ANXA4: variants seen among roughly 807,000 people sequenced by gnomAD.
ANXA4 encodes the protein 35-beta calcimedin.
Under a neutral mutation model 49.8 loss-of-function variants are expected in ANXA4, and 39 were observed. The ratio of observed to expected loss-of-function variants is 0.78; its 90% CI spans 0.61 to 1.02. The LOEUF is 1.02. Among genes scored for constraint, ANXA4 ranks in the 50% least tolerant of loss-of-function variants. The pLI is 0.00. For missense variants in ANXA4, 360 were observed against 410.1 expected (o/e 0.88, Z 1.05); for synonymous variants, 134 against 152.5 (o/e 0.88, Z 0.89).
chr2:69,695,539 G>C (rs1380931069), intron 2 of ANXA4, among the ~76,000 whole-genome samples: 2 of 152,168 alleles, frequency 1.3e-5, no homozygotes, highest in Non-Finnish European at 2.9e-5. Context: ...AACAACACCC[G>C]CATGCTCTTC....
intron 3 of ANXA4, among the ~76,000 whole-genome samples, chr2:69,798,098 C>T (rs1411654985): frequency 1.3e-5 from 2 of 152,160 alleles, no homozygotes; most frequent in Non-Finnish European, 2.9e-5. Context: ...TGGTTCCTCA[C>T]ATGGGAAAAG....
At chr2:69,734,536 A>G (rs959346664) in intron 3 of ANXA4, among the ~76,000 whole-genome samples, 1 of 152,166 alleles carries the variant, frequency 6.6e-6, no homozygotes, top group African/African-American at 2.4e-5. Flanking sequence ...ACCATGAACA[A>G]AGAAGTTTTG....
upstream of ANXA4, among the ~76,000 whole-genome samples, chr2:69,738,875 A>G (rs1670308527): frequency 6.6e-6 from 1 of 152,214 alleles, no homozygotes; most frequent in Non-Finnish European, 1.5e-5. Flanking sequence ...TCTTGATGCC[A>G]GGTGGAATAG....
intron 1 of ANXA4, among the ~76,000 whole-genome samples, chr2:69,652,493 G>A (rs557894746): frequency 6.6e-6 from 1 of 152,246 alleles, no homozygotes; most frequent in South Asian, 2.1e-4. Context: ...CTAGTCAGAT[G>A]ACTTCTTAAA....
At chr2:69,788,497 G>T (rs10210563) in intron 3 of ANXA4, among the ~76,000 whole-genome samples, 7 of 149,034 alleles carry the variant, frequency 4.7e-5, no homozygotes, top group Non-Finnish European at 8.9e-5. Flanking sequence ...CTGAGATCTC[G>T]CCATGGCACT....
chr2:69,763,926 G>T (rs1158382808), intron 1 of ANXA4, among the ~76,000 whole-genome samples: 11 of 152,154 alleles, frequency 7.2e-5, no homozygotes, highest in Non-Finnish European at 2.9e-5. Context: ...CTCCCAAAGT[G>T]CTGGGATTAC....
chr2:69,783,454 A>T (rs1672284344), intron 2 of ANXA4, among the ~76,000 whole-genome samples: 1 of 152,120 alleles, frequency 6.6e-6, no homozygotes, highest in Admixed American at 6.6e-5. Context: ...TGACCTCATG[A>T]TCTGCCCGCC....
intron 2 of ANXA4, 47 bp downstream of exon 2, chr2:69,781,621 G>A (rs1046540510): frequency 1.9e-6 from 3 of 1,609,906 alleles, no homozygotes; most frequent in Non-Finnish European, 2.5e-6. Flanking sequence ...GCTGCCAACA[G>A]GTACAGAATG....
chr2:69,755,198 T>A (rs1457552090), intron 1 of ANXA4, among the ~76,000 whole-genome samples: 1 of 151,982 alleles, frequency 6.6e-6, no homozygotes, highest in Non-Finnish European at 1.5e-5. Context: ...GAGGGGGAAA[T>A]GGGGAGTTAC....
At chr2:69,682,842 G>C (rs910095565) in intron 2 of ANXA4, among the ~76,000 whole-genome samples, 1 of 152,186 alleles carries the variant, frequency 6.6e-6, no homozygotes, top group South Asian at 2.1e-4. Context: ...GAAAGGTCTA[G>C]AGAGTTCTTA....
At chr2:69,797,500 T>C (rs1241802529) in intron 3 of ANXA4, among the ~76,000 whole-genome samples, 1 of 152,212 alleles carries the variant, frequency 6.6e-6, no homozygotes, top group African/African-American at 2.4e-5. Flanking sequence ...GGAGAGATAA[T>C]GTAACACTTG....
At chr2:69,674,187 C>G (rs1165726538) in intron 2 of ANXA4, 1 of 152,312 alleles carries the variant, frequency 6.6e-6, no homozygotes, top group Admixed American at 6.5e-5. Context: ...GTCCTGTCCC[C>G]TGCCTCTGCC....
chr2:69,779,440 A>G (rs1191505301), intron 1 of ANXA4, among the ~76,000 whole-genome samples: 1 of 152,138 alleles, frequency 6.6e-6, no homozygotes, highest in African/African-American at 2.4e-5. Context: ...AAATCTACAC[A>G]GTCCATGAGT....
chr2:69,655,721 A>T (rs1298806064), intron 2 of ANXA4, among the ~76,000 whole-genome samples: 1 of 152,198 alleles, frequency 6.6e-6, no homozygotes, highest in Non-Finnish European at 1.5e-5. Flanking sequence ...TTAAAGACAC[A>T]TGCACACATA....
chr2:69,802,085 G>C (rs1673223708), intron 3 of ANXA4, among the ~76,000 whole-genome samples: 1 of 152,152 alleles, frequency 6.6e-6, no homozygotes, highest in Admixed American at 6.5e-5. Context: ...ATAGTGAATG[G>C]GATACTGTAG....
chr2:69,645,381 T>C (rs1335418082), intron 1 of ANXA4, among the ~76,000 whole-genome samples: 1 of 152,256 alleles, frequency 6.6e-6, no homozygotes, highest in African/African-American at 2.4e-5. Flanking sequence ...GAAGGCATGT[T>C]CTCTGCACTT....
intron 3 of ANXA4, among the ~76,000 whole-genome samples, chr2:69,731,494 G>A (rs942650734): frequency 5.9e-5 from 9 of 152,120 alleles, no homozygotes; most frequent in Non-Finnish European, 8.8e-5. Context: ...TCACTTCAGC[G>A]CAATCCACAT....
In ANXA4 at chr2:69,825,918, G is replaced by C; in HGVS notation, c.*403G>C. On this transcript the variant is annotated 3_prime_UTR_variant, in exon 13 of 13. Transcript: ENST00000394295. ...CCTAATCCAATTTTTAGAGTGGCTA[G>C]TAGTTTCTTCATTTGAAATTGTAAG... The C allele has an allele frequency of 6.5e-6, 1 of 154,772 alleles. No individual in the cohort carries two copies. The highest frequency in any genetic ancestry group is 1.4e-5 in the Non-Finnish European group (1 of 69,902). 9.6% of individuals were successfully genotyped at this position (154,772 alleles called of 1,614,324 possible). A position where few individuals can be genotyped will look rare whatever the true frequency, so the allele number is the denominator to read the frequency against.
chr2:69,664,310 A>C (rs1676854227), intron 2 of ANXA4, among the ~76,000 whole-genome samples: 1 of 152,228 alleles, frequency 6.6e-6, no homozygotes, highest in Admixed American at 6.5e-5. Context: ...TTTTCCACCA[A>C]AATAAGGACA....
Sources: gnomAD v4.1 joint callset for allele counts (sites outside exome capture counted in the v4.1 genomes callset) on GRCh38, gnomAD v4.1.1 for gene constraint, MANE v1.5 for transcripts, NCBI Gene and HGNC (gene_info 2026-07-23, HGNC 2026-07-21) for gene names.